Variants in CDYL2 observed in about 807,000 individuals in gnomAD.
The protein encoded by CDYL2 is chromodomain Y-like protein 2.
A neutral mutation model predicts 49.4 loss-of-function variants in CDYL2; 23 were observed. The observed-to-expected ratio is 0.47, with a 90% CI of 0.34 to 0.66. CDYL2 has a LOEUF of 0.66. Among genes scored for constraint, CDYL2 ranks in the 30% least tolerant of loss-of-function variants. CDYL2 has a pLI of 0.01. For missense variants in CDYL2, 678 were observed against 656.4 expected (o/e 1.03, Z -0.36); for synonymous variants, 360 against 268.8 (o/e 1.34, Z -3.32).
In CDYL2 at chr16:80,763,433, G is replaced by A. The variant is rs368720547; in HGVS notation, c.24+40717C>T. Among the ~76,000 whole-genome samples, 67 of 123,920 alleles carry A rather than the reference G, an allele frequency of 5.4e-4. No homozygotes were observed. In the Middle Eastern group the frequency reaches 0.012, roughly 22 times the overall value. 81.3% of individuals were successfully genotyped at this position (123,920 alleles called of 152,430 possible). A position where few individuals can be genotyped will look rare whatever the true frequency, so the allele number is the denominator to read the frequency against. ...AGCCTGGCCAACATGGTGAAACCCTGTCTCTATCAAAAAGACAAAAACAAA... is the reference window on the plus strand; with the variant it reads ...AGCCTGGCCAACATGGTGAAACCCTATCTCTATCAAAAAGACAAAAACAAA... On this transcript the variant is annotated intron_variant, in intron 1 of 6. Transcript: ENST00000570137.
intron 3 of CDYL2, among the ~76,000 whole-genome samples, chr16:80,629,134 G>C (rs1327158669): frequency 1.3e-5 from 2 of 152,190 alleles, no homozygotes; most frequent in Non-Finnish European, 2.9e-5. Context: ...GTCAGCCAGG[G>C]TAATCAGGAG....
chr16:80,709,381 C>CAAAAAAA (rs11412766), intron 1 of CDYL2, among the ~76,000 whole-genome samples: 2 of 94,002 alleles, frequency 2.1e-5, no homozygotes, highest in African/African-American at 6.2e-5. Context: ...GACTCCATTT[C>CAAAAAAA]AAAAAAAAAA....
chr16:80,773,261 T>A (rs1010401011), intron 1 of CDYL2, among the ~76,000 whole-genome samples: 8 of 152,172 alleles, frequency 5.3e-5, no homozygotes, highest in Non-Finnish European at 1.0e-4. Flanking sequence ...AGAAAAGTTA[T>A]AATTGTGTAT....
Position 80,792,485 on chromosome 16 carries a change from C to T in CDYL2, c.24+11665G>A, listed in dbSNP as rs1204409559. On this transcript the variant is annotated intron_variant, in intron 1 of 6. Transcript: ENST00000570137. Reference sequence around the variant, plus strand: ...AATGGGGAGTCAAAGAAACCATAAGCATGCTCCTAACACATGGCCAGTCTA... The same window carrying T: ...AATGGGGAGTCAAAGAAACCATAAGTATGCTCCTAACACATGGCCAGTCTA... Among the ~76,000 whole-genome samples, 3 of 152,152 alleles carry T rather than the reference C, an allele frequency of 2.0e-5. No individual in the cohort carries two copies. In the East Asian group the frequency reaches 5.8e-4, roughly 29 times the overall value.
intron 1 of CDYL2, among the ~76,000 whole-genome samples, chr16:80,721,129 G>A (rs1015155604): frequency 2.0e-5 from 3 of 152,168 alleles, no homozygotes; most frequent in African/African-American, 7.2e-5. Flanking sequence ...AAAACAAGAA[G>A]TACAAAAATC....
intron 1 of CDYL2, among the ~76,000 whole-genome samples, chr16:80,756,749 T>C (rs560701308): frequency 6.6e-6 from 1 of 152,146 alleles, no homozygotes; most frequent in Non-Finnish European, 1.5e-5. Flanking sequence ...TTTAAAAAAT[T>C]AAATAAAATA....
intron 1 of CDYL2, among the ~76,000 whole-genome samples, chr16:80,698,715 C>T (rs1904286782): frequency 1.3e-5 from 2 of 152,078 alleles, no homozygotes; most frequent in South Asian, 2.1e-4. Flanking sequence ...TCTGCTCCTG[C>T]CATATAAGAT....
chr16:80,617,118 G>A (rs868785808), intron 4 of CDYL2, among the ~76,000 whole-genome samples: 6 of 152,338 alleles, frequency 3.9e-5, no homozygotes, highest in Middle Eastern at 6.8e-3. Flanking sequence ...AGAGCCTTCT[G>A]AACAATTCAC....
At chr16:80,634,390 G>GC (rs1907719144) in intron 2 of CDYL2, among the ~76,000 whole-genome samples, 1 of 152,086 alleles carries the variant, frequency 6.6e-6, no homozygotes, top group South Asian at 2.1e-4. Context: ...GCAAACTATC[G>GC]CAAGGACAGA....
At chr16:80,746,107 G>C (rs1245750926) in intron 1 of CDYL2, among the ~76,000 whole-genome samples, 1 of 152,124 alleles carries the variant, frequency 6.6e-6, no homozygotes, top group African/African-American at 2.4e-5. Flanking sequence ...CTGTTCCCGA[G>C]ACCTTCCTTC....
chr16:80,696,950 T>C lies in CDYL2; in HGVS notation c.25-11821A>G, dbSNP rs1597181172. The stretch of plus-strand genomic sequence containing the variant: ...AGTTCAAGGTTGCAGTGCCCTATGA[T>C]TGCATCTGTGAATAGCCATTACACT... On this transcript the variant is annotated intron_variant, in intron 1 of 6. Transcript: ENST00000570137. Among the ~76,000 whole-genome samples the C allele has an allele frequency of 3.9e-5, 6 of 152,210 alleles. No individual in the cohort carries two copies. In the South Asian group the frequency reaches 1.2e-3, roughly 32 times the overall value.
Position 80,614,906 on chromosome 16 carries a change from T to A in CDYL2, c.1008-2070A>T, listed in dbSNP as rs990487869. On this transcript the variant is annotated intron_variant, in intron 4 of 6. Coordinates refer to ENST00000570137, the MANE Select transcript of CDYL2 (RefSeq NM_152342.4). ...AAAAAAAAAAAGTTGAGCTGATTTATCTCTTCTCAATCAATACTGTTCCTT... is the reference window on the plus strand; with the variant it reads ...AAAAAAAAAAAGTTGAGCTGATTTAACTCTTCTCAATCAATACTGTTCCTT... Among the ~76,000 whole-genome samples the A allele has an allele frequency of 4.6e-5, 7 of 151,528 alleles. 1 individual carries two copies. The highest frequency in any genetic ancestry group is 1.0e-4 in the Non-Finnish European group (7 of 67,902).
At chr16:80,722,234 G>A (rs1040901959) in intron 1 of CDYL2, among the ~76,000 whole-genome samples, 2 of 152,058 alleles carry the variant, frequency 1.3e-5, no homozygotes, top group Non-Finnish European at 2.9e-5. Flanking sequence ...ATAAATAAGT[G>A]AATGAAAAAA....
At chr16:80,786,672 A>G (rs1355312969) in intron 1 of CDYL2, among the ~76,000 whole-genome samples, 1 of 152,094 alleles carries the variant, frequency 6.6e-6, no homozygotes, top group Admixed American at 6.5e-5. Context: ...AACCAACCCA[A>G]ATGTCCATCA....
In CDYL2 at chr16:80,644,664, C is replaced by T. The variant is rs971385072; in HGVS notation, c.617-11428G>A. On this transcript the variant is annotated intron_variant, in intron 2 of 6. Coordinates refer to ENST00000570137, the MANE Select transcript of CDYL2 (RefSeq NM_152342.4). Reference sequence around the variant, plus strand: ...AACCCCTGATAAAACCATCAGATCTCGTGATACTTATTCACTACCATGAGA... The same window carrying T: ...AACCCCTGATAAAACCATCAGATCTTGTGATACTTATTCACTACCATGAGA... Among the ~76,000 whole-genome samples, 8 of 152,274 alleles carry T rather than the reference C, an allele frequency of 5.3e-5. No individual in the cohort carries two copies. In the South Asian group the frequency reaches 6.2e-4, roughly 12 times the overall value.
chr16:80,780,625 T>A (rs1907233815), intron 1 of CDYL2, among the ~76,000 whole-genome samples: 1 of 152,064 alleles, frequency 6.6e-6, no homozygotes, highest in Non-Finnish European at 1.5e-5. Flanking sequence ...CAGGATGGTC[T>A]TGATCTCCTG....
chr16:80,712,209 A>ATG, intron 1 of CDYL2, among the ~76,000 whole-genome samples: 2 of 128,862 alleles, frequency 1.6e-5, no homozygotes, highest in South Asian at 2.5e-4. Context: ...ATATATATAT[A>ATG]TATATATCTC....
chr16:80,687,847 C>T (rs915220952), intron 1 of CDYL2, among the ~76,000 whole-genome samples: 1 of 152,170 alleles, frequency 6.6e-6, no homozygotes, highest in African/African-American at 2.4e-5. Flanking sequence ...GCGGAAAATA[C>T]ACAACTATGT....
chr16:80,637,235 A>T (rs56841768), intron 2 of CDYL2, among the ~76,000 whole-genome samples: 4 of 133,032 alleles, frequency 3.0e-5, no homozygotes, highest in Non-Finnish European at 5.0e-5. Context: ...TAAAAAAAAA[A>T]GGGGGAAACG....
Sources: allele counts gnomAD v4.1 joint callset (sites outside exome capture counted in the v4.1 genomes callset), GRCh38; gene constraint gnomAD v4.1.1; transcripts MANE v1.5; gene names NCBI Gene and HGNC (gene_info 2026-07-23, HGNC 2026-07-21).